The following TMEM214 variants were observed in gnomAD, a reference collection of about 807,000 sequenced individuals.
TMEM214 encodes the protein transmembrane protein 214.
TMEM214 carries 71 observed loss-of-function variants against 89.8 expected under a neutral mutation model. That is an observed-to-expected ratio of 0.79 (90% CI 0.65 to 0.96). The LOEUF (loss-of-function observed/expected upper bound fraction) is 0.96. Among genes scored for constraint, TMEM214 ranks in the 40% least tolerant of loss-of-function variants. The pLI is 0.00. For synonymous variants in TMEM214, 332 were observed against 349.5 expected (o/e 0.95, Z 0.56); for missense variants, 754 against 843.4 (o/e 0.89, Z 1.31).
Position 27,037,699 on chromosome 2 carries a change from A to G in TMEM214, c.1149A>G (p.Lys383=). Residue 383 remains lysine, a synonymous_variant, in exon 9 of 17, where the codon AAA becomes AAG. Coordinates refer to ENST00000238788, the MANE Select transcript of TMEM214 (RefSeq NM_017727.5). ...CTAGCTGTCCCCCTGAGATGAAGAA[A>G]GAGGTGAGGATATGGTGGGAGGCTT... ...ATPSCPPEMK[K]ELLSSLTECL... The G allele has an allele frequency of 6.2e-7, 1 of 1,614,144 alleles. No individual in the cohort carries two copies.
Position 27,038,211 on chromosome 2 carries a change from G to T in TMEM214, c.1218G>T (p.Leu406=). The T allele has an allele frequency of 6.2e-7, 1 of 1,614,166 alleles. No individual in the cohort carries two copies. The highest frequency in any genetic ancestry group is 1.1e-5 in the South Asian group (1 of 91,086). ...TCAGTGCCAGCGTCTGGAGGCAGCT[G>T]TACCCTAAGCACCTGTCACAGTCCA... ...DPLSASVWRQ[L]YPKHLSQSSL... The change falls in exon 10 of 17, where the codon CTG becomes CTT. Residue 406 remains leucine, a synonymous_variant. Coordinates refer to ENST00000238788, the MANE Select transcript of TMEM214 (RefSeq NM_017727.5). This position sits in a 1 kb window ranked among gnomAD's most constrained non-coding sequence, Gnocchi z 4.4.
rs1013419595 is a variant in TMEM214, at chr2:27,035,502, C to T, written c.503-92C>T. The T allele has an allele frequency of 1.7e-5, 27 of 1,555,980 alleles. No homozygotes were observed. The African/African-American group carries it at 3.6e-4, about 20-fold the overall frequency. ...CCCAGCCTCAGTGCAGGGGCCTTTGCCTCCACTCACCATTCCCAGGGAGAG... is the reference window on the plus strand; with the variant it reads ...CCCAGCCTCAGTGCAGGGGCCTTTGTCTCCACTCACCATTCCCAGGGAGAG... On this transcript the variant is annotated intron_variant, in intron 3 of 16. Transcript: ENST00000238788.
chr2:27,035,048 T>G, intron 2 of TMEM214, 87 bp from the exon 3 acceptor site: 8 of 1,516,254 alleles, frequency 5.3e-6, no homozygotes, highest in Non-Finnish European at 5.4e-6. Flanking sequence ...GCCACCTAGT[T>G]CAACCATTTT....
At chr2:27,033,642 TG>T (rs940493116) in intron 1 of TMEM214, among the ~76,000 whole-genome samples, 56 of 152,318 alleles carry the variant, frequency 3.7e-4, no homozygotes, top group African/African-American at 1.3e-3. Context: ...AAGTGACACC[TG>T]GTTCTTCCAC....
chr2:27,039,258 G>T (rs978222467), intron 13 of TMEM214, 94 bp downstream of exon 13: 17 of 1,051,970 alleles, frequency 1.6e-5, no homozygotes, highest in Non-Finnish European at 2.4e-5. Context: ...ACACATCTTT[G>T]TCCTGACGAG....
rs760247771 is a variant in TMEM214, at chr2:27,040,091, T to C, written c.1684T>C (p.Leu562=). 31 of 1,609,144 alleles carry C rather than the reference T, an allele frequency of 1.9e-5. No homozygotes were observed. In the South Asian group the frequency reaches 3.4e-4, roughly 18 times the overall value. ...SHLLTVVRPS[L]QLAWAHTNAT... Reference sequence around the variant, plus strand: ...CCTGCTCACCGTGGTGCGGCCCAGCTTGCAGCTGGCCTGGGCTCACACCAA... The same window carrying C: ...CCTGCTCACCGTGGTGCGGCCCAGCCTGCAGCTGGCCTGGGCTCACACCAA... Residue 562 remains leucine, a synonymous_variant, in exon 15 of 17, where the codon TTG becomes CTG. Transcript: ENST00000238788.
chr2:27,040,629 G>T (rs999565300), intron 16 of TMEM214, 82 bp from the exon 17 acceptor site: 6 of 1,592,642 alleles, frequency 3.8e-6, no homozygotes, highest in African/African-American at 1.3e-5. Flanking sequence ...CTGGGATGAG[G>T]GTTGTGGGTC....
Position 27,038,447 on chromosome 2 carries a change from C to A in TMEM214, c.1245-37C>A. On this transcript the variant is annotated intron_variant, in intron 10 of 16. Transcript: ENST00000238788. This position sits in a 1 kb window ranked among gnomAD's most constrained non-coding sequence, Gnocchi z 4.4. Reference sequence around the variant, plus strand: ...GGACAGGAGGATGGGTGAGGCTGCGCGAGCCACCTGACTAGGGGGTTGTGC... The same window carrying A: ...GGACAGGAGGATGGGTGAGGCTGCGAGAGCCACCTGACTAGGGGGTTGTGC... 1.2e-6 allele frequency: 2 copies of A among 1,612,652 alleles called. No individual in the cohort carries two copies. Among genetic ancestry groups the A allele is most frequent in the Non-Finnish European group, 1.7e-6 (2 of 1,179,458 alleles).
chr2:27,036,709 G>T lies in TMEM214; in HGVS notation c.831G>T (p.Trp277Cys). The change falls in exon 7 of 17, where the codon TGG (tryptophan) becomes TGT (cysteine). Residue 277 changes from tryptophan to cysteine, a missense_variant. Trp to Cys is a radical substitution (Grantham distance 215). Transcript: ENST00000238788. ...TCGTGACTTTTACCCCTGCAGTGTG[G>T]CTGGGGATCATGCTGCCTGTGCTGG... ...FANLTEGLKVWLGIMLPVLGI... is the reference protein window; with the variant it reads ...FANLTEGLKVCLGIMLPVLGI... 6.2e-7 allele frequency: 1 copy of T among 1,614,208 alleles called. No individual in the cohort carries two copies. Among genetic ancestry groups the T allele is most frequent in the Non-Finnish European group, 8.5e-7 (1 of 1,180,038 alleles).
Position 27,040,114 on chromosome 2 carries a change from C to T in TMEM214, c.1707C>T (p.Thr569=). ...RPSLQLAWAH[T]NATVSFLSAH... is the part of the protein sequence containing the mutation. ...GCTTGCAGCTGGCCTGGGCTCACAC[C>T]AATGCCACAGTCAGCTTCCTTTCTG... The change falls in exon 15 of 17, where the codon ACC becomes ACT. Residue 569 remains threonine (T), a synonymous_variant. Coordinates refer to ENST00000238788, the MANE Select transcript of TMEM214 (RefSeq NM_017727.5). 6.2e-7 allele frequency: 1 copy of T among 1,609,408 alleles called. No homozygotes were observed. The highest frequency in any genetic ancestry group is 1.6e-4 in the Middle Eastern group (1 of 6,062).
intron 1 of TMEM214, 152 bp from the exon 2 acceptor site, chr2:27,033,915 C>G: frequency 1.3e-6 from 1 of 796,638 alleles, no homozygotes; most frequent in Non-Finnish European, 2.0e-6. Flanking sequence ...AACAGCCTGC[C>G]CTGCTCCTTA....
At chr2:27,034,906 T>TGGAGGGCCTGAGAGG (rs1170505991) in intron 2 of TMEM214, among the ~76,000 whole-genome samples, 1 of 152,140 alleles carries the variant, frequency 6.6e-6, no homozygotes, top group East Asian at 1.9e-4. Context: ...CTTGAACATG[T>TGGAGGGCCTGAGAGG]GGAGGGCCTG....
chr2:27,040,504 CT>C lies in TMEM214; in HGVS notation c.1943+11del. 6.2e-7 allele frequency: 1 copy of C among 1,612,746 alleles called. No homozygotes were observed. The highest frequency in any genetic ancestry group is 1.1e-5 in the South Asian group (1 of 91,078). On this transcript the variant is annotated intron_variant, in intron 16 of 16. Coordinates refer to ENST00000238788, the MANE Select transcript of TMEM214 (RefSeq NM_017727.5). ...CTGCCATGAGGCATGCAGGTGAGAC[CT>C]TTGCCCAGGGCTCCGGCAGGATCCC... is the stretch of plus-strand genomic sequence containing the variant.
In TMEM214 at chr2:27,034,181, A is replaced by G. The variant is rs1667449712; in HGVS notation, c.266A>G (p.Lys89Arg). Reference sequence around the variant, plus strand: ...GTGGAACCTAAGAAACCAGGGAACAAGAAGCAGCCAAAGAAGGTGGCAACT... The same window carrying G: ...GTGGAACCTAAGAAACCAGGGAACAGGAAGCAGCCAAAGAAGGTGGCAACT... ...PAVEPKKPGN[K>R]KQPKKVATPP... The change falls in exon 2 of 17, where the codon AAG (lysine) becomes AGG (arginine). Residue 89 changes from lysine (K) to arginine (R), a missense_variant. Physicochemically the swap from Lys to Arg is conservative, Grantham distance 26. Transcript: ENST00000238788. 2.5e-6 allele frequency: 4 copies of G among 1,614,092 alleles called. No individual in the cohort carries two copies. Among genetic ancestry groups the G allele is most frequent in the Non-Finnish European group, 3.4e-6 (4 of 1,180,048 alleles).
chr2:27,037,243 C>G, intron 8 of TMEM214, 65 bp downstream of exon 8: 1 of 1,295,450 alleles, frequency 7.7e-7, no homozygotes, highest in Non-Finnish European at 1.1e-6. Context: ...ACTACATATT[C>G]CCGTCTCTCC....
At chr2:27,035,038 G>T (rs759013501) in intron 2 of TMEM214, 97 bp from the exon 3 acceptor site, 1 of 1,402,914 alleles carries the variant, frequency 7.1e-7, no homozygotes, top group African/African-American at 1.4e-5. Flanking sequence ...TCTTCCTACT[G>T]CCACCTAGTT....
Position 27,040,092 on chromosome 2 carries a change from TGCAGCTG to T in TMEM214, c.1688_1694del (p.Gln563ProfsTer42), listed in dbSNP as rs1406556237. On this transcript the variant is annotated frameshift_variant, in exon 15 of 17. Transcript: ENST00000238788. LOFTEE classifies it high-confidence loss of function. ...CTGCTCACCGTGGTGCGGCCCAGCT[TGCAGCTG>T]GCCTGGGCTCACACCAATGCCACAG... The T allele has an allele frequency of 6.2e-7, 1 of 1,609,282 alleles. No homozygotes were observed. The highest frequency in any genetic ancestry group is 1.3e-5 in the African/African-American group (1 of 75,054).
chr2:27,038,631 T>G lies in TMEM214; in HGVS notation c.1294-71T>G. 1 of 1,604,816 alleles carries G rather than the reference T, an allele frequency of 6.2e-7. No individual in the cohort carries two copies. Among genetic ancestry groups the G allele is most frequent in the Non-Finnish European group, 8.5e-7 (1 of 1,173,012 alleles). ...CTGTCCCTTCCCTGAGAAGGGACCC[T>G]GTTGGCATGGAAAATGAAGCAGGAT... is the stretch of plus-strand genomic sequence containing the variant. On this transcript the variant is annotated intron_variant, in intron 11 of 16. Transcript: ENST00000238788. The surrounding 1 kb of genome is among the most constrained non-coding windows in gnomAD (Gnocchi z 4.4).
intron 14 of TMEM214, 89 bp from the exon 15 acceptor site, chr2:27,039,941 C>T: frequency 1.3e-6 from 2 of 1,594,868 alleles, no homozygotes; most frequent in Non-Finnish European, 1.7e-6. Flanking sequence ...TCTCCTTTCC[C>T]ACGGCCTCCC....
Sources: gnomAD v4.1 joint callset for allele counts (sites outside exome capture counted in the v4.1 genomes callset) on GRCh38, gnomAD v4.1.1 for gene constraint, Gnocchi (gnomAD v3.1) non-coding constraint, MANE v1.5 for transcripts, NCBI Gene and HGNC (gene_info 2026-07-23, HGNC 2026-07-21) for gene names.